The following TECTA variants were observed in gnomAD, a reference collection of about 807,000 sequenced individuals.
TECTA encodes the protein tectorin alpha.
Under a neutral mutation model 216.8 loss-of-function variants are expected in TECTA, and 128 were observed. The observed-to-expected ratio is 0.59, with a 90% CI of 0.51 to 0.68. The LOEUF (loss-of-function observed/expected upper bound fraction) is 0.68, where lower values mean the gene tolerates loss of function less well. TECTA is among the 30% of genes least tolerant of loss of function. The pLI is 0.00. For synonymous variants in TECTA, 1,089 were observed against 1,117.1 expected, an observed-to-expected ratio of 0.97 and a Z score of 0.50; for missense variants, 2,551 against 2,786.2, an observed-to-expected ratio of 0.92 and a Z score of 1.90.
At chr11:121,166,134 A>G (rs1947050733) in intron 17 of TECTA, among the ~76,000 whole-genome samples, 1 of 152,202 alleles carries the variant, frequency 6.6e-6, no homozygotes, top group South Asian at 2.1e-4. Flanking sequence ...GCAAGCTCCT[A>G]GTGCTCACCT....
chr11:121,137,657 T>A lies in TECTA; in HGVS notation c.3178T>A (p.Phe1060Ile), dbSNP rs1191663991. The change falls in exon 11 of 24, where the codon TTC becomes ATC. Residue 1060 changes from phenylalanine to isoleucine, a missense_variant. By Grantham distance (21) the Phe-to-Ile change is conservative (BLOSUM62 0). Coordinates refer to ENST00000392793, the MANE Select transcript of TECTA (RefSeq NM_005422.4). ...CTGGGTGGACCTGGACTGCCAGATC[T>A]TCTGCTATTGCAGTGGCACAGACAA... ...TFWVDLDCQI[F>I]CYCSGTDNRV... 1 of 1,614,062 alleles carries A rather than the reference T, an allele frequency of 6.2e-7. No individual in the cohort carries two copies. The highest frequency in any genetic ancestry group is 1.7e-5 in the Admixed American group (1 of 60,018).
In TECTA at chr11:121,188,431, C is replaced by T. The variant is rs541675612; in HGVS notation, c.6162+437C>T. 5.9e-5 allele frequency among the ~76,000 whole-genome samples: 9 copies of T among 152,310 alleles called. 1 individual carries two copies. In the South Asian group the frequency reaches 6.2e-4, roughly 11 times the overall value. On this transcript the variant is annotated intron_variant, in intron 21 of 23. Transcript: ENST00000392793. ...TGCACTAGAGTCTCAAGGAGCCAGG[C>T]GGCCTGACTCTAATGACCACTGGGC...
At chr11:121,146,753 G>A (rs1209798123) in intron 12 of TECTA, among the ~76,000 whole-genome samples, 2 of 152,186 alleles carry the variant, frequency 1.3e-5, no homozygotes, top group Admixed American at 1.3e-4. Context: ...GAAACGTAAA[G>A]GGGATCCAAT....
At chr11:121,148,576 T>A (rs1591454483) in intron 12 of TECTA, among the ~76,000 whole-genome samples, 1 of 152,258 alleles carries the variant, frequency 6.6e-6, no homozygotes, top group East Asian at 1.9e-4. Flanking sequence ...GTATCTGATG[T>A]GACTCCCCAT....
intron 12 of TECTA, among the ~76,000 whole-genome samples, chr11:121,150,865 C>T (rs369079417): frequency 2.0e-5 from 3 of 152,020 alleles, no homozygotes; most frequent in Non-Finnish European, 2.9e-5. Flanking sequence ...AGGATGGTCT[C>T]GATCTCTTGA....
Position 121,145,728 on chromosome 11 carries a change from T to C in TECTA, c.3717T>C (p.Gly1239=), listed in dbSNP as rs1946828530. 1 of 1,614,042 alleles carries C rather than the reference T, an allele frequency of 6.2e-7. No individual in the cohort carries two copies. The highest frequency in any genetic ancestry group is 1.7e-5 in the Admixed American group (1 of 60,004). ...VPRSMQNSTY[G]LCGRYNGNPD... ...GGAGCATGCAGAACAGCACCTATGG[T>C]CTGTGTGGCCGCTACAACGGCAACC... The change falls in exon 12 of 24, where the codon GGT becomes GGC. Residue 1239 remains glycine, a synonymous_variant. Transcript: ENST00000392793.
At chr11:121,137,212 GCA>G (rs1203528451) in intron 10 of TECTA, among the ~76,000 whole-genome samples, 1 of 151,492 alleles carries the variant, frequency 6.6e-6, no homozygotes, top group Admixed American at 6.6e-5. Context: ...ACACGCACTC[GCA>G]CACATGCATG....
chr11:121,129,910 T>C lies in TECTA; in HGVS notation c.2640T>C (p.Thr880=). 6.2e-7 allele frequency: 1 copy of C among 1,613,938 alleles called. No individual in the cohort carries two copies. The highest frequency in any genetic ancestry group is 8.5e-7 in the Non-Finnish European group (1 of 1,179,856). The change falls in exon 10 of 24, where the codon ACT becomes ACC. Residue 880 remains threonine (T), a synonymous_variant. Transcript: ENST00000392793. ...NLAVFLESWT[T]FEEICNGECG... ...CAGTGTTCCTGGAAAGCTGGACAAC[T>C]TTCGAGGAGATCTGCAATGGAGAGT...
At chr11:121,104,892 CTTATA>C (rs1946377968) in intron 2 of TECTA, among the ~76,000 whole-genome samples, 1 of 151,980 alleles carries the variant, frequency 6.6e-6, no homozygotes, top group Non-Finnish European at 1.5e-5. Context: ...GTCCTATTGT[CTTATA>C]TTCATTCAGG....
chr11:121,132,361 A>C (rs564296028), intron 10 of TECTA, among the ~76,000 whole-genome samples: 2 of 152,184 alleles, frequency 1.3e-5, no homozygotes, highest in African/African-American at 4.8e-5. Context: ...CATTTGCTTC[A>C]TCATTCGTTG....
Position 121,102,696 on chromosome 11 carries a change from G to A in TECTA, c.31G>A (p.Val11Ile). MNYSSFLRIW[V>I]SFIFALVQHQ... ...TTATTCATCATTCCTTAGAATTTGG[G>A]TCTCTTTCATCTTCGCACTTGTACA... The change falls in exon 2 of 24, where the codon GTC becomes ATC. Residue 11 changes from valine (V) to isoleucine (I), a missense_variant. Val to Ile is a conservative substitution (Grantham distance 29). Around this residue, in one of 3 missense-constraint regions of TECTA, gnomAD observed 2,375 missense variants for 2,563.9 expected, o/e 0.93. Transcript: ENST00000392793. 6.2e-7 allele frequency: 1 copy of A among 1,613,782 alleles called. No homozygotes were observed. Among genetic ancestry groups the A allele is most frequent in the Non-Finnish European group, 8.5e-7 (1 of 1,179,836 alleles).
In TECTA at chr11:121,127,742, C is replaced by T; in HGVS notation, c.1775-10C>T. ...CCTTGTTATCGGCTCTCTTCCTTTC[C>T]CCGCGTCAGTGTCCACAGTGCAGTG... On this transcript the variant is annotated splice_polypyrimidine_tract_variant and intron_variant, in intron 8 of 23. Coordinates refer to ENST00000392793, the MANE Select transcript of TECTA (RefSeq NM_005422.4). This position sits in a 1 kb window ranked among gnomAD's most constrained non-coding sequence, Gnocchi z 5.0. 6.2e-7 allele frequency: 1 copy of T among 1,614,068 alleles called. No individual in the cohort carries two copies.
intron 10 of TECTA, among the ~76,000 whole-genome samples, chr11:121,130,623 C>G (rs1285696680): frequency 6.6e-6 from 1 of 152,070 alleles, no homozygotes; most frequent in Non-Finnish European, 1.5e-5. Context: ...TAGCATGCTC[C>G]CCAGGGCAAA....
chr11:121,183,357 C>T (rs1012628813), intron 20 of TECTA, among the ~76,000 whole-genome samples: 1 of 152,128 alleles, frequency 6.6e-6, no homozygotes, highest in South Asian at 2.1e-4. Context: ...TTCTCTGGAA[C>T]AATACTGTTA....
chr11:121,165,229 GT>G, intron 16 of TECTA, 43 bp from the exon 17 acceptor site: 1 of 1,544,606 alleles, frequency 6.5e-7, no homozygotes, highest in Non-Finnish European at 8.8e-7. Flanking sequence ...GCATGTAGGT[GT>G]GAAAATGAAG....
chr11:121,102,844 A>G, intron 2 of TECTA, 115 bp downstream of exon 2: 1 of 877,494 alleles, frequency 1.1e-6, no homozygotes, highest in Non-Finnish European at 1.9e-6. Context: ...CTACAGATAC[A>G]AGAGAAAAAT....
chr11:121,118,719 G>A lies in TECTA; in HGVS notation c.1203+1G>A. The A allele has an allele frequency of 6.2e-7, 1 of 1,613,508 alleles. No individual in the cohort carries two copies. The highest frequency in any genetic ancestry group is 8.5e-7 in the Non-Finnish European group (1 of 1,180,030). Reference sequence around the variant, plus strand: ...CAAAGGAAGCTATGGAAGAGTCAAGGTGAGCCCCTTTCTATCCTTCACGGG... The same window carrying A: ...CAAAGGAAGCTATGGAAGAGTCAAGATGAGCCCCTTTCTATCCTTCACGGG... On this transcript the variant is annotated splice_donor_variant, in intron 7 of 23. Coordinates refer to ENST00000392793, the MANE Select transcript of TECTA (RefSeq NM_005422.4). LOFTEE classifies it high-confidence loss of function.
At chr11:121,189,212 G>A (rs771720313) in intron 22 of TECTA, 45 bp downstream of exon 22, 2 of 1,592,280 alleles carry the variant, frequency 1.3e-6, no homozygotes, top group African/African-American at 2.7e-5. Context: ...TAAAACAACG[G>A]GATTTCAAGG....
At chr11:121,180,216 A>C (rs1001502839) in intron 20 of TECTA, among the ~76,000 whole-genome samples, 5 of 152,056 alleles carry the variant, frequency 3.3e-5, no homozygotes, top group Non-Finnish European at 5.9e-5. Context: ...ATGATCTGCC[A>C]TTGAGTTTAC....
Sources: gnomAD v4.1 joint callset for allele counts (sites outside exome capture counted in the v4.1 genomes callset) on GRCh38, gnomAD v4.1.1 for gene constraint, gnomAD v4.1.1 regional missense constraint, Gnocchi (gnomAD v3.1) non-coding constraint, MANE v1.5 for transcripts, NCBI Gene and HGNC (gene_info 2026-07-23, HGNC 2026-07-21) for gene names.